Variants in SPARC observed in about 807,000 individuals in gnomAD.
SPARC encodes the protein secreted protein acidic and cysteine rich.
SPARC carries 23 observed loss-of-function variants against 37.7 expected under a neutral mutation model. That is an observed-to-expected ratio of 0.61 (90% CI 0.44 to 0.87). The LOEUF (loss-of-function observed/expected upper bound fraction) is 0.87, where lower values mean the gene tolerates loss of function less well. Ranked by LOEUF, SPARC falls within the 40% of genes least tolerant of loss-of-function variation. SPARC has a pLI of 0.00. For missense variants in SPARC, 312 were observed against 389.0 expected, an observed-to-expected ratio of 0.80 and a Z score of 1.66; for synonymous variants, 155 against 150.8, an observed-to-expected ratio of 1.03 and a Z score of -0.20.
intron 1 of SPARC, among the ~76,000 whole-genome samples, chr5:151,678,140 AC>A (rs1279225176): frequency 6.6e-6 from 1 of 152,230 alleles, no homozygotes; most frequent in Non-Finnish European, 1.5e-5. Context: ...CTAAAACAAA[AC>A]AAAACAAAAA....
chr5:151,681,629 C>A (rs1228328709), intron 1 of SPARC, among the ~76,000 whole-genome samples: 1 of 152,240 alleles, frequency 6.6e-6, no homozygotes, highest in African/African-American at 2.4e-5. Context: ...CAATGGCTCA[C>A]GCCTGTAATC....
rs550052674 is a variant in SPARC at position 151,673,304 on chromosome 5, G to A, written c.121-88C>T. On this transcript the variant is annotated intron_variant, in intron 3 of 9. Transcript: ENST00000231061. ...GCTGAAGGGTTCCAGGTCACAGAAA[G>A]CACAAACGCAGGGTTGGGAATCCAG... The A allele has an allele frequency of 2.8e-3, 2,514 of 891,534 alleles. 6 individuals carry two copies. Among genetic ancestry groups the A allele is most frequent in the Non-Finnish European group, 4.3e-3 (2,222 of 522,278 alleles). 55.2% of individuals were successfully genotyped at this position (891,534 alleles called of 1,614,324 possible).
intron 3 of SPARC, among the ~76,000 whole-genome samples, chr5:151,674,359 C>A (rs1430705922): frequency 2.6e-5 from 4 of 152,116 alleles, no homozygotes. Flanking sequence ...CATGGAAGAA[C>A]AACTGTTGCA....
chr5:151,666,464 G>T lies in SPARC; in HGVS notation c.631C>A (p.His211Asn). 6.2e-7 allele frequency: 1 copy of T among 1,614,120 alleles called. No individual in the cohort carries two copies. Among genetic ancestry groups the T allele is most frequent in the Non-Finnish European group, 8.5e-7 (1 of 1,180,002 alleles). ...TCCCGGGCCAGCAGCTCCACGGGGT[G>T]GTCTCCTGCCTCCAGGCGCTTCTCA... is the stretch of plus-strand genomic sequence containing the variant. Reference protein sequence around the residue: ...ENEKRLEAGDHPVELLARDFE... With the variant: ...ENEKRLEAGDNPVELLARDFE... The change falls in exon 8 of 10, where the codon CAC becomes AAC. Residue 211 changes from histidine to asparagine, a missense_variant. Physicochemically the swap from His to Asn is moderately conservative, Grantham distance 68 (BLOSUM62 1). Transcript: ENST00000231061.
At chr5:151,663,718 G>T (rs1760563562) in intron 9 of SPARC, 119 bp from the exon 10 acceptor site, 3 of 935,408 alleles carry the variant, frequency 3.2e-6, no homozygotes, top group African/African-American at 3.2e-5. Flanking sequence ...GGCCATGCAA[G>T]GTCACCCAGG....
intron 9 of SPARC, among the ~76,000 whole-genome samples, chr5:151,663,819 C>G (rs538242073): frequency 3.9e-4 from 59 of 152,310 alleles, no homozygotes; most frequent in African/African-American, 1.3e-3. Context: ...TGTTTCCTCT[C>G]TGTGTGCCTG....
At chr5:151,685,559 C>T (rs1011447849) in intron 1 of SPARC, among the ~76,000 whole-genome samples, 4 of 151,966 alleles carry the variant, frequency 2.6e-5, no homozygotes, top group African/African-American at 9.7e-5. Flanking sequence ...TTTTAGAGGA[C>T]ACAAAGCACC....
chr5:151,673,184 T>C lies in SPARC; in HGVS notation c.153A>G (p.Glu51=). 1 of 1,613,876 alleles carries C rather than the reference T, an allele frequency of 6.2e-7. No homozygotes were observed. Among genetic ancestry groups the C allele is most frequent in the Non-Finnish European group, 8.5e-7 (1 of 1,179,736 alleles). ...VSVGANPVQV[E]VGEFDDGAEE... ...CTGCACCATCATCAAATTCTCCTAC[T>C]TCCACCTGGACAGGATTAGCTCCCA... Residue 51 remains glutamate (E), a synonymous_variant, in exon 4 of 10, where the codon GAA becomes GAG. Transcript: ENST00000231061.
chr5:151,681,046 G>A (rs1466561574), intron 1 of SPARC, among the ~76,000 whole-genome samples: 1 of 152,144 alleles, frequency 6.6e-6, no homozygotes, highest in Non-Finnish European at 1.5e-5. Flanking sequence ...CTCTTACTTG[G>A]GCAGCTGATA....
intron 1 of SPARC, 123 bp from the exon 2 acceptor site, chr5:151,676,324 T>C (rs1311412275): frequency 6.0e-6 from 4 of 662,564 alleles, no homozygotes. Flanking sequence ...GTGAAAAACA[T>C]GAGGAGGTTG....
At chr5:151,682,325 G>A (rs1278319979) in intron 1 of SPARC, among the ~76,000 whole-genome samples, 2 of 152,166 alleles carry the variant, frequency 1.3e-5, no homozygotes, top group African/African-American at 4.8e-5. Flanking sequence ...AGGCTGGGGT[G>A]GAGCTTCAGG....
chr5:151,664,027 C>G, intron 9 of SPARC, 60 bp downstream of exon 9: 1 of 1,603,838 alleles, frequency 6.2e-7, no homozygotes, highest in Non-Finnish European at 8.5e-7. Flanking sequence ...GGATGACAAC[C>G]CAGCACCCTG....
chr5:151,683,055 C>A lies in SPARC; in HGVS notation c.-14+3810G>T, dbSNP rs1761033200. Among the ~76,000 whole-genome samples, 3 of 149,708 alleles carry A rather than the reference C, an allele frequency of 2.0e-5. No homozygotes were observed. In the Admixed American group the frequency reaches 2.0e-4, roughly 10 times the overall value. On this transcript the variant is annotated intron_variant, in intron 1 of 9. Coordinates refer to ENST00000231061, the MANE Select transcript of SPARC (RefSeq NM_003118.4). ...TCACTACTTGCTGGCCCTGGCCCTG[C>A]ACAGCCCAGCTGTCCCTGGGTTCAG...
rs1190666043 is a variant in SPARC at position 151,661,141 on chromosome 5, T to C, written c.*2430A>G. The C allele has an allele frequency of 6.6e-6, 1 of 152,240 alleles. No individual in the cohort carries two copies. The highest frequency in any genetic ancestry group is 2.4e-5 in the African/African-American group (1 of 41,468). The allele number at this position is 152,240 out of a possible 1,614,324, so 9.4% of individuals were successfully genotyped here. On this transcript the variant is annotated 3_prime_UTR_variant, in exon 10 of 10. Transcript: ENST00000231061. Reference sequence around the variant, plus strand: ...CTTTATTTCCTTTACAGCACGTTTTTATCAGAAACAGTATTGCAAATTTAT... The same window carrying C: ...CTTTATTTCCTTTACAGCACGTTTTCATCAGAAACAGTATTGCAAATTTAT...
intron 8 of SPARC, among the ~76,000 whole-genome samples, 200 bp downstream of exon 8, chr5:151,666,161 C>T (rs1760614438): frequency 6.6e-6 from 1 of 152,220 alleles, no homozygotes; most frequent in African/African-American, 2.4e-5. Flanking sequence ...TGACTTTCAC[C>T]TCAGCATGAG....
At chr5:151,679,996 C>T (rs946956063) in intron 1 of SPARC, among the ~76,000 whole-genome samples, 1 of 152,162 alleles carries the variant, frequency 6.6e-6, no homozygotes, top group Non-Finnish European at 1.5e-5. Context: ...TGAACACATT[C>T]TATATCTACG....
At position 151,667,807 on chromosome 5, in the gene SPARC, G is replaced by A. The variant is rs533843713; in HGVS notation, c.452-207C>T. Among the ~76,000 whole-genome samples, 187 of 152,352 alleles carry A rather than the reference G, an allele frequency of 1.2e-3. 2 individuals are homozygous for A. The highest frequency in any genetic ancestry group is 4.3e-3 in the African/African-American group (178 of 41,582). On this transcript the variant is annotated intron_variant, in intron 6 of 9. Coordinates refer to ENST00000231061, the MANE Select transcript of SPARC (RefSeq NM_003118.4). Reference sequence around the variant, plus strand: ...CTAGAAATGCATTGTGCAAAGGCATGGCTGCTGCTTTCCTCAGCCTAATCT... The same window carrying A: ...CTAGAAATGCATTGTGCAAAGGCATAGCTGCTGCTTTCCTCAGCCTAATCT...
Position 151,669,667 on chromosome 5 carries a change from T to C in SPARC, c.448A>G (p.Lys150Glu). 6.2e-7 allele frequency: 1 copy of C among 1,614,146 alleles called. No individual in the cohort carries two copies. The highest frequency in any genetic ancestry group is 8.5e-7 in the Non-Finnish European group (1 of 1,179,986). Residue 150 changes from lysine to glutamate, a missense_variant, in exon 6 of 10, where the codon AAA becomes GAA. By Grantham distance (56) the Lys-to-Glu change is moderately conservative. Coordinates refer to ENST00000231061, the MANE Select transcript of SPARC (RefSeq NM_003118.4). ...GGAAGGGCCCAAGGACACTCACATTTGCAAGGCCCGATGTAGTCCAGGTGG... is the reference window on the plus strand; with the variant it reads ...GGAAGGGCCCAAGGACACTCACATTCGCAAGGCCCGATGTAGTCCAGGTGG... The part of the protein sequence containing the change: ...KLHLDYIGPC[K>E]YIPPCLDSEL...
At chr5:151,674,183 T>C (rs986936203) in intron 3 of SPARC, among the ~76,000 whole-genome samples, 6 of 152,098 alleles carry the variant, frequency 3.9e-5, no homozygotes, top group African/African-American at 1.4e-4. Context: ...AGCTAATTTT[T>C]TGTATTTTTA....
Sources: allele counts gnomAD v4.1 joint callset (sites outside exome capture counted in the v4.1 genomes callset), GRCh38; gene constraint gnomAD v4.1.1; transcripts MANE v1.5; gene names NCBI Gene and HGNC (gene_info 2026-07-23, HGNC 2026-07-21).